Variants in DCHS2 observed in about 807,000 individuals in gnomAD.
DCHS2 encodes dachsous cadherin-related 2.
In DCHS2, 142 loss-of-function variants were observed where a neutral mutation model predicts 182.4. The observed-to-expected ratio is 0.78, with a 90% CI of 0.68 to 0.89. The LOEUF is 0.89. DCHS2 is among the 40% of genes least tolerant of loss of function. The probability of loss-of-function intolerance (pLI) is 0.00; values close to 1 mark genes in which losing one functional copy is unlikely to be tolerated. For synonymous variants in DCHS2, 1,740 were observed against 1,663.3 expected (o/e 1.05, Z -1.12); for missense variants, 4,319 against 4,198.6 (o/e 1.03, Z -0.79).
At chr4:154,383,957 A>G (rs1466593390) in intron 1 of DCHS2, among the ~76,000 whole-genome samples, 2 of 152,218 alleles carry the variant, frequency 1.3e-5, no homozygotes, top group East Asian at 3.8e-4. Flanking sequence ...TTCTTATTAC[A>G]ATTTCCAGTT....
intron 1 of DCHS2, among the ~76,000 whole-genome samples, chr4:154,420,271 A>AGATAGATAGATG (rs1379124146): frequency 1.3e-5 from 2 of 151,948 alleles, no homozygotes; most frequent in Non-Finnish European, 2.9e-5. Flanking sequence ...ATAGATAGAT[A>AGATAGATAGATG]GATAGATAGA....
At chr4:154,351,734 T>C (rs181416670) in intron 3 of DCHS2, among the ~76,000 whole-genome samples, 2 of 152,144 alleles carry the variant, frequency 1.3e-5, no homozygotes, top group East Asian at 3.9e-4. Flanking sequence ...GCAACCTAGA[T>C]CTCCTGCACG....
intron 1 of DCHS2, among the ~76,000 whole-genome samples, chr4:154,408,641 A>T (rs1732497155): frequency 6.6e-6 from 1 of 152,208 alleles, no homozygotes; most frequent in African/African-American, 2.4e-5. Flanking sequence ...ACAACTACAT[A>T]TTGATGAAAA....
At chr4:154,386,397 T>C (rs77982749) in intron 1 of DCHS2, among the ~76,000 whole-genome samples, 5,630 of 152,266 alleles carry the variant, frequency 0.037, 142 homozygotes, top group Middle Eastern at 0.061. Context: ...GCCTTTAGTA[T>C]AACATGCTCA....
intron 1 of DCHS2, among the ~76,000 whole-genome samples, chr4:154,414,395 A>G (rs1732748089): frequency 6.6e-6 from 1 of 151,130 alleles, no homozygotes; most frequent in African/African-American, 2.4e-5. Context: ...TTATCCTCCT[A>G]GGTTGAGTTT....
At chr4:154,293,548 A>G (rs1734769369) in intron 13 of DCHS2, among the ~76,000 whole-genome samples, 1 of 152,140 alleles carries the variant, frequency 6.6e-6, no homozygotes, top group Non-Finnish European at 1.5e-5. Context: ...AACCTCAGGT[A>G]TAAACAACCC....
intron 1 of DCHS2, among the ~76,000 whole-genome samples, chr4:154,449,703 A>G (rs1734456510): frequency 6.6e-6 from 1 of 152,198 alleles, no homozygotes; most frequent in African/African-American, 2.4e-5. Flanking sequence ...ATTTTAATTC[A>G]CAAGTAAAAG....
chr4:154,414,179 T>TTA (rs759077609), intron 1 of DCHS2, among the ~76,000 whole-genome samples: 5,275 of 147,354 alleles, frequency 0.036, 117 homozygotes, highest in African/African-American at 0.055. Context: ...AATAAATCAA[T>TTA]TATATATATA....
intron 1 of DCHS2, among the ~76,000 whole-genome samples, chr4:154,434,523 ATTATAGC>A (rs36210260): frequency 0.51 from 76,816 of 151,280 alleles, 20,570 homozygotes; most frequent in Middle Eastern, 0.67. Flanking sequence ...AAAATTTAGA[ATTATAGC>A]TTATAGCTAT....
chr4:154,384,942 A>G (rs1348756353), intron 1 of DCHS2, among the ~76,000 whole-genome samples: 1 of 151,786 alleles, frequency 6.6e-6, no homozygotes, highest in East Asian at 1.9e-4. Context: ...TTTTTATTAT[A>G]CTTTAAGTTT....
intron 1 of DCHS2, among the ~76,000 whole-genome samples, chr4:154,452,063 G>T (rs1734557980): frequency 6.6e-6 from 1 of 152,112 alleles, no homozygotes; most frequent in African/African-American, 2.4e-5. Flanking sequence ...GTACAAAGTG[G>T]CCACACAGTC....
chr4:154,237,827 TGTTTCA>T (rs1731606801), intron 19 of DCHS2, among the ~76,000 whole-genome samples: 1 of 152,204 alleles, frequency 6.6e-6, no homozygotes, highest in South Asian at 2.1e-4. Flanking sequence ...TTAAATGCCA[TGTTTCA>T]GTTAGAGTCC....
At chr4:154,324,291 C>T (rs1221363624) in intron 7 of DCHS2, among the ~76,000 whole-genome samples, 4 of 152,140 alleles carry the variant, frequency 2.6e-5, no homozygotes, top group Admixed American at 6.5e-5. Flanking sequence ...TTTCCATGAT[C>T]CTAATAGTGT....
chr4:154,296,513 G>A (rs888600140), intron 13 of DCHS2, among the ~76,000 whole-genome samples: 1 of 152,144 alleles, frequency 6.6e-6, no homozygotes, highest in Admixed American at 6.6e-5. Flanking sequence ...CCAAAAGACT[G>A]ATTTGAAAAT....
chr4:154,460,717 A>G (rs1216461002), intron 1 of DCHS2, among the ~76,000 whole-genome samples: 1 of 152,166 alleles, frequency 6.6e-6, no homozygotes, highest in Non-Finnish European at 1.5e-5. Context: ...ATAAAGTTAA[A>G]TGGTATTGCC....
intron 13 of DCHS2, among the ~76,000 whole-genome samples, chr4:154,271,126 G>C (rs181819984): frequency 5.3e-4 from 81 of 152,244 alleles, no homozygotes; most frequent in African/African-American, 1.8e-3. Flanking sequence ...CTTGTAATTA[G>C]ATCTAGAACC....
At chr4:154,301,114 A>G (rs1175829818) in intron 12 of DCHS2, among the ~76,000 whole-genome samples, 2 of 152,192 alleles carry the variant, frequency 1.3e-5, no homozygotes, top group East Asian at 3.9e-4. Context: ...CTTGCAAATT[A>G]AAAAAGAAAG....
intron 1 of DCHS2, among the ~76,000 whole-genome samples, chr4:154,391,890 T>A (rs1376448003): frequency 2.0e-5 from 3 of 152,166 alleles, no homozygotes; most frequent in African/African-American, 7.2e-5. Context: ...AAGACCATTG[T>A]GCAGAGTTAC....
chr4:154,454,391 A>G (rs932728398), intron 1 of DCHS2, among the ~76,000 whole-genome samples: 1 of 152,122 alleles, frequency 6.6e-6, no homozygotes, highest in Non-Finnish European at 1.5e-5. Flanking sequence ...CCACAGGTGT[A>G]CGCCATCATG....
Sources: allele counts gnomAD v4.1 joint callset (sites outside exome capture counted in the v4.1 genomes callset), GRCh38; gene constraint gnomAD v4.1.1; transcripts MANE v1.5; gene names NCBI Gene and HGNC (gene_info 2026-07-23, HGNC 2026-07-21).